Variants in THSD4 observed in about 807,000 individuals in gnomAD.
THSD4 encodes the protein thrombospondin type-1 domain-containing protein 4.
A neutral mutation model predicts 119.0 loss-of-function variants in THSD4; 69 were observed. The ratio of observed to expected loss-of-function variants is 0.58; its 90% CI spans 0.48 to 0.71. THSD4 has a LOEUF of 0.71. THSD4 is among the 30% of genes least tolerant of loss of function. The pLI, the probability that THSD4 is intolerant of heterozygous loss-of-function variation, is 0.00. For synonymous variants in THSD4, 524 were observed against 540.4 expected, an observed-to-expected ratio of 0.97 and a Z score of 0.42; for missense variants, 1,393 against 1,391.1, an observed-to-expected ratio of 1.00 and a Z score of -0.02.
chr15:71,256,556 T>A (rs963526601), intron 5 of THSD4, 57 bp from the exon 6 acceptor site: 14 of 1,414,772 alleles, frequency 9.9e-6, no homozygotes, highest in African/African-American at 5.7e-5. Flanking sequence ...TGGAAATGTA[T>A]CCTGGAGCTA....
chr15:71,288,338 A>G (rs957473256), intron 6 of THSD4, among the ~76,000 whole-genome samples: 1 of 152,210 alleles, frequency 6.6e-6, no homozygotes, highest in African/African-American at 2.4e-5. Context: ...TGATTTGGCA[A>G]ATGTGAATAA....
intron 7 of THSD4, among the ~76,000 whole-genome samples, chr15:71,580,651 C>T (rs921490821): frequency 6.6e-6 from 1 of 152,096 alleles, no homozygotes; most frequent in African/African-American, 2.4e-5. Flanking sequence ...CATGAAGTTC[C>T]ACCACCAAGG....
At chr15:71,396,601 C>T (rs557759057) in intron 6 of THSD4, among the ~76,000 whole-genome samples, 10 of 152,268 alleles carry the variant, frequency 6.6e-5, no homozygotes, top group African/African-American at 2.4e-4. Flanking sequence ...CACATATATC[C>T]GCTCAGATAG....
intron 7 of THSD4, among the ~76,000 whole-genome samples, chr15:71,517,269 G>C (rs1160282891): frequency 6.6e-6 from 1 of 151,946 alleles, no homozygotes; most frequent in Non-Finnish European, 1.5e-5. Flanking sequence ...CTCTCTCAGG[G>C]CTGTCTCTTC....
At chr15:71,695,064 G>A (rs546717642) in intron 8 of THSD4, among the ~76,000 whole-genome samples, 4 of 152,222 alleles carry the variant, frequency 2.6e-5, no homozygotes, top group Admixed American at 6.5e-5. Flanking sequence ...AACCTCCCAC[G>A]GAATACGCAT....
intron 8 of THSD4, among the ~76,000 whole-genome samples, chr15:71,680,311 A>G (rs1030946049): frequency 1.3e-5 from 2 of 152,182 alleles, no homozygotes; most frequent in South Asian, 2.1e-4. Context: ...TCCCAATCCA[A>G]ACAGCAGGTT....
chr15:71,622,270 C>A (rs191054575), intron 7 of THSD4, among the ~76,000 whole-genome samples: 107 of 152,288 alleles, frequency 7.0e-4, no homozygotes, highest in Non-Finnish European at 1.4e-3. Flanking sequence ...TGAAATCATG[C>A]AATTTATGAG....
chr15:71,153,974 G>A (rs549483506), intron 2 of THSD4, among the ~76,000 whole-genome samples: 11 of 152,278 alleles, frequency 7.2e-5, no homozygotes, highest in Admixed American at 5.2e-4. Flanking sequence ...GAGAGGGAGT[G>A]AAAGATCTAG....
At chr15:71,394,101 A>G (rs1314238899) in intron 6 of THSD4, among the ~76,000 whole-genome samples, 1 of 145,646 alleles carries the variant, frequency 6.9e-6, no homozygotes, top group South Asian at 2.2e-4. Context: ...TACCATATTT[A>G]GTAGAAGTAT....
chr15:71,777,372 T>C lies in THSD4; in HGVS notation c.3055T>C (p.Ter1019GlnextTer40). 6.2e-7 allele frequency: 1 copy of C among 1,613,344 alleles called. No individual in the cohort carries two copies. Among genetic ancestry groups the C allele is most frequent in the Non-Finnish European group, 8.5e-7 (1 of 1,179,862 alleles). The part of the protein sequence containing the change: ...NRQTGFLGSR[*>Q] ...GCAGACGGGCTTCCTGGGGAGCAGA[T>C]AACACTCCTGCACCCCCATCAGTAG... Residue 1019 changes from the stop codon to glutamine (Q), a stop_lost, in exon 18 of 18, where the codon TAA becomes CAA. Transcript: ENST00000261862.
At chr15:71,627,493 G>A (rs1056735949) in intron 7 of THSD4, among the ~76,000 whole-genome samples, 1 of 152,160 alleles carries the variant, frequency 6.6e-6, no homozygotes, top group African/African-American at 2.4e-5. Context: ...CCCTTCACTA[G>A]ATGAGAAGTA....
intron 7 of THSD4, among the ~76,000 whole-genome samples, chr15:71,512,471 G>A (rs1223645477): frequency 6.6e-6 from 1 of 152,132 alleles, no homozygotes; most frequent in Non-Finnish European, 1.5e-5. Flanking sequence ...TAATGGACAT[G>A]GTTCAAATAT....
chr15:71,173,114 ATG>A (rs929980414), intron 3 of THSD4, among the ~76,000 whole-genome samples: 4 of 152,132 alleles, frequency 2.6e-5, no homozygotes, highest in African/African-American at 9.7e-5. Flanking sequence ...ATGATCTTGT[ATG>A]TTAAACCCTA....
intron 3 of THSD4, among the ~76,000 whole-genome samples, chr15:71,193,222 C>G (rs969315263): frequency 1.3e-5 from 2 of 152,148 alleles, no homozygotes; most frequent in African/African-American, 4.8e-5. Context: ...TACTGGGCGT[C>G]CACACTCAGA....
chr15:71,350,919 C>T (rs2045735935), intron 6 of THSD4, among the ~76,000 whole-genome samples: 1 of 152,150 alleles, frequency 6.6e-6, no homozygotes, highest in Non-Finnish European at 1.5e-5. Flanking sequence ...TGTTTTATTA[C>T]CTTTAAGCTG....
At chr15:71,249,331 TAC>T (rs1012912812) in intron 5 of THSD4, among the ~76,000 whole-genome samples, 6 of 151,604 alleles carry the variant, frequency 4.0e-5, no homozygotes, top group African/African-American at 1.4e-4. Flanking sequence ...TATGTATATA[TAC>T]ACACACTTTT....
chr15:71,341,380 A>G, intron 6 of THSD4: 1 of 1,611,736 alleles, frequency 6.2e-7, no homozygotes, highest in South Asian at 1.1e-5. Flanking sequence ...CAATGACCAG[A>G]GAATCTACAT....
chr15:71,607,501 C>A (rs1273764548), intron 7 of THSD4, among the ~76,000 whole-genome samples: 1 of 152,192 alleles, frequency 6.6e-6, no homozygotes, highest in East Asian at 1.9e-4. Flanking sequence ...TGAAGTAGTT[C>A]CCTGTCATTC....
intron 6 of THSD4, among the ~76,000 whole-genome samples, chr15:71,390,746 GA>G (rs933841745): frequency 1.3e-5 from 2 of 148,582 alleles, no homozygotes; most frequent in African/African-American, 5.0e-5. Context: ...ATTACTGTCA[GA>G]AAAAAATCAC....
Sources: allele counts gnomAD v4.1 joint callset (sites outside exome capture counted in the v4.1 genomes callset), GRCh38; gene constraint gnomAD v4.1.1; transcripts MANE v1.5; gene names NCBI Gene and HGNC (gene_info 2026-07-23, HGNC 2026-07-21).